Variants in RAD51B observed in about 807,000 individuals in gnomAD.
RAD51B encodes the protein DNA repair protein RAD51 homolog 2.
In RAD51B, 38 loss-of-function variants were observed where a neutral mutation model predicts 42.2. That is an observed-to-expected ratio of 0.90 (90% confidence interval 0.70 to 1.18). The LOEUF (loss-of-function observed/expected upper bound fraction) is 1.18. Among genes scored for constraint, RAD51B ranks in the 50% most tolerant of loss-of-function variants. The pLI, the probability that RAD51B is intolerant of heterozygous loss-of-function variation, is 0.00. For synonymous variants in RAD51B, 154 were observed against 145.2 expected, an observed-to-expected ratio of 1.06 and a Z score of -0.43; for missense variants, 373 against 400.7, an observed-to-expected ratio of 0.93 and a Z score of 0.59.
At chr14:68,144,139 A>AC (rs1266085652) in intron 7 of RAD51B, among the ~76,000 whole-genome samples, 2 of 152,316 alleles carry the variant, frequency 1.3e-5, no homozygotes, top group East Asian at 3.9e-4. Context: ...GAAATTTGAC[A>AC]CTTTCTCAAT....
chr14:67,956,131 C>T (rs896885178), intron 7 of RAD51B, among the ~76,000 whole-genome samples: 1 of 152,072 alleles, frequency 6.6e-6, no homozygotes, highest in African/African-American at 2.4e-5. Flanking sequence ...TTTAAAAAAA[C>T]AGAGACACCA....
rs1281869134 is a variant in RAD51B at position 67,893,499 on chromosome 14, CACACACACACA to C, written c.756+6297_756+6307del. ...ACACACACACACACACACACACACA[CACACACACACA>C]AAAAAAAACAATTAGCTGGGTGTGG... is the stretch of plus-strand genomic sequence containing the variant. On this transcript the variant is annotated intron_variant, in intron 7 of 10. Coordinates refer to ENST00000471583, the MANE Select transcript of RAD51B (RefSeq NM_133510.4). Among the ~76,000 whole-genome samples the C allele has an allele frequency of 5.4e-3, 445 of 82,514 alleles. 34 individuals carry two copies. Among genetic ancestry groups the C allele is most frequent in the African/African-American group, 0.024 (418 of 17,194 alleles). The allele number at this position is 82,514 out of a possible 152,430, so 54.1% of individuals were successfully genotyped here.
chr14:68,107,457 A>G (rs375532744), intron 7 of RAD51B, among the ~76,000 whole-genome samples: 27 of 151,824 alleles, frequency 1.8e-4, no homozygotes, highest in Non-Finnish European at 2.7e-4. Flanking sequence ...AATTCCTATC[A>G]AAACCTTAAC....
intron 8 of RAD51B, among the ~76,000 whole-genome samples, chr14:68,333,896 A>G (rs868556262): frequency 6.6e-6 from 1 of 152,086 alleles, no homozygotes; most frequent in South Asian, 2.1e-4. Flanking sequence ...TCTCATTGCA[A>G]TTGTGTATCC....
intron 5 of RAD51B, among the ~76,000 whole-genome samples, chr14:67,870,651 C>T (rs562149742): frequency 1.0e-5 from 1 of 99,068 alleles, no homozygotes; most frequent in East Asian, 2.3e-4. Flanking sequence ...CAGCACCACA[C>T]CACACCTATT....
intron 10 of RAD51B, chr14:68,562,056 C>A: frequency 1.0e-6 from 1 of 985,422 alleles, no homozygotes; most frequent in African/African-American, 1.7e-5. Context: ...AATTAGACCA[C>A]ATGAATAATT....
intron 7 of RAD51B, among the ~76,000 whole-genome samples, chr14:68,290,628 T>C (rs1157423004): frequency 6.6e-6 from 1 of 152,210 alleles, no homozygotes; most frequent in Non-Finnish European, 1.5e-5. Flanking sequence ...TTTGGACTTT[T>C]TTTTGTTAGA....
At chr14:68,114,147 G>A (rs1457877071) in intron 7 of RAD51B, 1 of 152,090 alleles carries the variant, frequency 6.6e-6, no homozygotes, top group Non-Finnish European at 1.5e-5. Flanking sequence ...AGGAGTTGTG[G>A]TATCAGGCTT....
intron 7 of RAD51B, among the ~76,000 whole-genome samples, chr14:68,260,059 G>A (rs1273998013): frequency 6.6e-6 from 1 of 151,852 alleles, no homozygotes; most frequent in Non-Finnish European, 1.5e-5. Flanking sequence ...ATAAAACTAA[G>A]GAAAGTGATA....
At chr14:67,896,594 C>A (rs1332538815) in intron 7 of RAD51B, among the ~76,000 whole-genome samples, 3 of 152,190 alleles carry the variant, frequency 2.0e-5, no homozygotes, top group African/African-American at 7.2e-5. Context: ...GAAATTAGAT[C>A]ATCTCTTGAA....
At chr14:68,541,726 A>C in intron 10 of RAD51B, 1 of 985,422 alleles carries the variant, frequency 1.0e-6, no homozygotes. Context: ...GCAAAGTGGA[A>C]TTTGTAGTAA....
At chr14:67,924,809 C>G (rs1020111966) in intron 7 of RAD51B, among the ~76,000 whole-genome samples, 1 of 152,164 alleles carries the variant, frequency 6.6e-6, no homozygotes, top group Non-Finnish European at 1.5e-5. Flanking sequence ...ATTTCAAAAC[C>G]AATCATGCCT....
exon 11 of RAD51B, chr14:68,595,572 A>T (rs1890958674): frequency 9.4e-7 from 1 of 1,066,564 alleles, no homozygotes. Flanking sequence ...GGAAGGACTA[A>T]GTGACTTATG....
chr14:67,989,307 A>G (rs765609682), intron 7 of RAD51B, among the ~76,000 whole-genome samples: 2 of 152,234 alleles, frequency 1.3e-5, no homozygotes, highest in Admixed American at 6.5e-5. Context: ...TTTTTAAAAT[A>G]TTGTGTGAAT....
chr14:68,267,690 A>G (rs779168110), intron 7 of RAD51B, among the ~76,000 whole-genome samples: 1 of 152,328 alleles, frequency 6.6e-6, no homozygotes, highest in Admixed American at 6.5e-5. Context: ...TTATGGGCCC[A>G]TAACTTCATT....
In RAD51B at chr14:68,137,296, C is replaced by G. The variant is rs745852116; in HGVS notation, c.757-154588C>G. On this transcript the variant is annotated intron_variant, in intron 7 of 10. Transcript: ENST00000471583. ...GATTTGAGTTTTGACATTACTAGTA[C>G]AAGCTGTGTGTAACTTTGGGGAAGG... is the stretch of plus-strand genomic sequence containing the variant. Among the ~76,000 whole-genome samples the G allele has an allele frequency of 2.4e-4, 37 of 152,126 alleles. 1 individual carries two copies. The highest frequency in any genetic ancestry group is 2.0e-3 in the Admixed American group (31 of 15,278).
chr14:67,926,338 A>C (rs951587348), intron 7 of RAD51B, among the ~76,000 whole-genome samples: 1 of 152,074 alleles, frequency 6.6e-6, no homozygotes, highest in Admixed American at 6.6e-5. Flanking sequence ...AAGTTCCACA[A>C]ATCTCTAGGG....
chr14:68,059,658 G>A (rs981291553), intron 7 of RAD51B, among the ~76,000 whole-genome samples: 3 of 152,156 alleles, frequency 2.0e-5, no homozygotes, highest in South Asian at 2.1e-4. Flanking sequence ...CTGGCCAAAA[G>A]TAGTTTTTTC....
chr14:67,973,864 T>C (rs1230107515), intron 7 of RAD51B, among the ~76,000 whole-genome samples: 3 of 152,160 alleles, frequency 2.0e-5, no homozygotes, highest in Non-Finnish European at 4.4e-5. Context: ...CAATGTTTAT[T>C]TTAAATGTTA....
Sources: allele counts gnomAD v4.1 joint callset (sites outside exome capture counted in the v4.1 genomes callset), GRCh38; gene constraint gnomAD v4.1.1; transcripts MANE v1.5; gene names NCBI Gene and HGNC (gene_info 2026-07-23, HGNC 2026-07-21).